Variants in KCNQ5 observed in about 807,000 individuals in gnomAD.
The protein encoded by KCNQ5 is potassium voltage-gated channel subfamily KQT member 5.
KCNQ5 carries 30 observed loss-of-function variants against 98.2 expected under a neutral mutation model. The observed-to-expected ratio is 0.31, with a 90% CI of 0.23 to 0.41. The LOEUF (loss-of-function observed/expected upper bound fraction) is 0.41, where lower values mean the gene tolerates loss of function less well. KCNQ5 is among the 10% of genes least tolerant of loss of function. KCNQ5 has a pLI of 1.00. For synonymous variants in KCNQ5, 458 were observed against 449.4 expected (o/e 1.02, Z -0.24); for missense variants, 835 against 1,182.5 (o/e 0.71, Z 4.31).
At chr6:72,695,087 A>G (rs1182172539) in intron 1 of KCNQ5, among the ~76,000 whole-genome samples, 1 of 152,174 alleles carries the variant, frequency 6.6e-6, no homozygotes, top group African/African-American at 2.4e-5. Flanking sequence ...ATATACATAT[A>G]CCACATTTTC....
intron 1 of KCNQ5, among the ~76,000 whole-genome samples, chr6:72,699,716 AC>A (rs1369576564): frequency 6.6e-6 from 1 of 152,168 alleles, no homozygotes; most frequent in East Asian, 1.9e-4. Context: ...GTTCTTAGCC[AC>A]TTAGTTTAGT....
Position 72,947,484 on chromosome 6 carries a change from C to T in KCNQ5, c.399-56424C>T, listed in dbSNP as rs1302052564. Reference sequence around the variant, plus strand: ...TTAACTACTTTAGAGGTGTTAAGTCCGTTCTTAGCCGCTGGTTTGAAATAT... The same window carrying T: ...TTAACTACTTTAGAGGTGTTAAGTCTGTTCTTAGCCGCTGGTTTGAAATAT... On this transcript the variant is annotated intron_variant, in intron 1 of 13. Coordinates refer to ENST00000370398, the MANE Select transcript of KCNQ5 (RefSeq NM_019842.4). 1.3e-5 allele frequency among the ~76,000 whole-genome samples: 2 copies of T among 152,046 alleles called. 1 individual carries two copies. Among genetic ancestry groups the T allele is most frequent in the African/African-American group, 4.8e-5 (2 of 41,418 alleles).
chr6:73,196,860 T>C lies in KCNQ5; in HGVS notation c.*1446T>C, dbSNP rs1365087799. 2 of 152,080 alleles carry C rather than the reference T, an allele frequency of 1.3e-5. No homozygotes were observed. The highest frequency in any genetic ancestry group is 2.4e-5 in the African/African-American group (1 of 41,410). 9.4% of individuals were successfully genotyped at this position (152,080 alleles called of 1,614,324 possible). A position where few individuals can be genotyped will look rare whatever the true frequency, so the allele number is the denominator to read the frequency against. On this transcript the variant is annotated 3_prime_UTR_variant, in exon 14 of 14. Transcript: ENST00000370398. ...AATGTATTTATCAGAAAGCAAGCAA[T>C]GCTGACTGCTTGTTAGAAACCCATC...
chr6:73,060,552 T>G (rs1772732600), intron 3 of KCNQ5, among the ~76,000 whole-genome samples: 1 of 152,114 alleles, frequency 6.6e-6, no homozygotes, highest in Admixed American at 6.6e-5. Flanking sequence ...GAGAAAATAT[T>G]GATAGAATAC....
At chr6:72,728,705 A>G (rs1770407722) in intron 1 of KCNQ5, among the ~76,000 whole-genome samples, 1 of 152,206 alleles carries the variant, frequency 6.6e-6, no homozygotes, top group Admixed American at 6.5e-5. Context: ...GCCTTGGTGA[A>G]TGTATTCAGA....
chr6:73,008,593 C>T (rs1769922324), intron 2 of KCNQ5, among the ~76,000 whole-genome samples: 1 of 151,972 alleles, frequency 6.6e-6, no homozygotes, highest in South Asian at 2.1e-4. Flanking sequence ...CACCTAATAA[C>T]AGGTAATAAA....
intron 1 of KCNQ5, among the ~76,000 whole-genome samples, chr6:72,731,316 G>A (rs776132033): frequency 5.3e-5 from 8 of 152,206 alleles, no homozygotes; most frequent in Non-Finnish European, 8.8e-5. Context: ...GACTCAGAAG[G>A]CAGAGCAGTT....
rs533807910 is a variant in KCNQ5 at position 73,177,779 on chromosome 6, G to A, written c.1577+7925G>A. 6.6e-4 allele frequency among the ~76,000 whole-genome samples: 100 copies of A among 152,284 alleles called. 1 individual carries two copies. The highest frequency in any genetic ancestry group is 3.1e-3 in the South Asian group (15 of 4,822). On this transcript the variant is annotated intron_variant, in intron 11 of 13. Transcript: ENST00000370398. Reference sequence around the variant, plus strand: ...TCTATGACATGTTACAGTAAAGGACGCTGCTAAAGAACATTTTATGGATCA... The same window carrying A: ...TCTATGACATGTTACAGTAAAGGACACTGCTAAAGAACATTTTATGGATCA...
At chr6:72,995,879 A>T (rs1181594421) in intron 1 of KCNQ5, among the ~76,000 whole-genome samples, 1 of 152,250 alleles carries the variant, frequency 6.6e-6, no homozygotes, top group African/African-American at 2.4e-5. Flanking sequence ...GCAACTTTAG[A>T]TTGAATACTC....
intron 1 of KCNQ5, among the ~76,000 whole-genome samples, chr6:72,868,590 T>C (rs962483004): frequency 2.0e-5 from 3 of 152,138 alleles, no homozygotes; most frequent in Middle Eastern, 3.4e-3. Context: ...ATTCAGTGAG[T>C]GTTATGATTG....
intron 11 of KCNQ5, among the ~76,000 whole-genome samples, chr6:73,186,832 T>A (rs1041721498): frequency 2.0e-5 from 3 of 152,182 alleles, no homozygotes; most frequent in African/African-American, 7.2e-5. Context: ...AGGGTACATG[T>A]GCACAATGTA....
chr6:72,649,095 C>T (rs1311508581), intron 1 of KCNQ5, among the ~76,000 whole-genome samples: 1 of 152,134 alleles, frequency 6.6e-6, no homozygotes, highest in Non-Finnish European at 1.5e-5. Flanking sequence ...TGTGTTTGAG[C>T]ACAGGCTTTG....
At chr6:72,712,666 A>G (rs1198936649) in intron 1 of KCNQ5, among the ~76,000 whole-genome samples, 3 of 152,176 alleles carry the variant, frequency 2.0e-5, no homozygotes, top group Non-Finnish European at 4.4e-5. Context: ...CAACTAATAG[A>G]ACACCAATAG....
intron 7 of KCNQ5, among the ~76,000 whole-genome samples, chr6:73,114,363 C>T (rs1448931063): frequency 1.3e-5 from 2 of 152,158 alleles, no homozygotes; most frequent in Non-Finnish European, 2.9e-5. Flanking sequence ...AACTGAGATG[C>T]CCAAATTGCT....
At chr6:72,641,014 A>G (rs1306067979) in intron 1 of KCNQ5, 2 of 152,148 alleles carry the variant, frequency 1.3e-5, no homozygotes, top group African/African-American at 4.8e-5. Flanking sequence ...ATAAACTTCT[A>G]ATAGCTGGCA....
At chr6:72,701,340 C>T (rs1768795277) in intron 1 of KCNQ5, among the ~76,000 whole-genome samples, 1 of 152,166 alleles carries the variant, frequency 6.6e-6, no homozygotes, top group Non-Finnish European at 1.5e-5. Context: ...AAACAAACTC[C>T]ACTTGGTTTA....
intron 2 of KCNQ5, among the ~76,000 whole-genome samples, chr6:73,039,170 A>C (rs780824323): frequency 6.6e-6 from 1 of 152,118 alleles, no homozygotes; most frequent in African/African-American, 2.4e-5. Context: ...GTGGCGTAGA[A>C]TCTATACTGA....
intron 1 of KCNQ5, among the ~76,000 whole-genome samples, chr6:72,670,618 TCA>T (rs1445092966): frequency 3.9e-5 from 6 of 152,228 alleles, no homozygotes; most frequent in Non-Finnish European, 7.3e-5. Context: ...ATTTATTTTC[TCA>T]CAGTTCTGGA....
intron 5 of KCNQ5, among the ~76,000 whole-genome samples, chr6:73,098,730 C>CGACA (rs1774629934): frequency 6.6e-6 from 1 of 152,136 alleles, no homozygotes; most frequent in Non-Finnish European, 1.5e-5. Context: ...AACACCAGAC[C>CGACA]TGTCCTATAA....
Sources: gnomAD v4.1 joint callset for allele counts (sites outside exome capture counted in the v4.1 genomes callset) on GRCh38, gnomAD v4.1.1 for gene constraint, MANE v1.5 for transcripts, NCBI Gene and HGNC (gene_info 2026-07-23, HGNC 2026-07-21) for gene names.